Variants in ASRGL1 observed in about 807,000 individuals in gnomAD.
ASRGL1 encodes asparaginase and isoaspartyl peptidase 1.
Under a neutral mutation model 22.4 loss-of-function variants are expected in ASRGL1, and 16 were observed. The ratio of observed to expected loss-of-function variants is 0.71; its 90% confidence interval spans 0.48 to 1.08. The LOEUF (loss-of-function observed/expected upper bound fraction) is 1.08. Among genes scored for constraint, ASRGL1 ranks in the 50% least tolerant of loss-of-function variants. The probability of loss-of-function intolerance (pLI) is 0.00; values close to 1 mark genes in which losing one functional copy is unlikely to be tolerated. For synonymous variants in ASRGL1, 165 were observed against 159.3 expected, an observed-to-expected ratio of 1.04 and a Z score of -0.27; for missense variants, 412 against 410.1, an observed-to-expected ratio of 1.00 and a Z score of -0.04.
intron 2 of ASRGL1, among the ~76,000 whole-genome samples, chr11:62,347,443 C>A (rs1263244301): frequency 2.0e-5 from 3 of 152,104 alleles, no homozygotes; most frequent in African/African-American, 7.2e-5. Context: ...GCAACCAGCT[C>A]CCCATTTTGA....
intron 4 of ASRGL1, among the ~76,000 whole-genome samples, chr11:62,379,728 G>A (rs1947017138): frequency 6.6e-6 from 1 of 152,088 alleles, no homozygotes; most frequent in Admixed American, 6.5e-5. Flanking sequence ...TTGTGGCAGG[G>A]GACAATTGTT....
intron 4 of ASRGL1, among the ~76,000 whole-genome samples, chr11:62,374,733 CT>C (rs1231806991): frequency 6.6e-6 from 1 of 152,174 alleles, no homozygotes; most frequent in Non-Finnish European, 1.5e-5. Context: ...CTGCATCTCT[CT>C]AAGACTTAGT....
At chr11:62,372,044 C>G in intron 4 of ASRGL1, 1 of 751,482 alleles carries the variant, frequency 1.3e-6, no homozygotes. Flanking sequence ...GTATGGGTGC[C>G]TGGCGGGGGT....
intron 2 of ASRGL1, among the ~76,000 whole-genome samples, chr11:62,350,559 G>T (rs1371895305): frequency 6.6e-6 from 1 of 152,200 alleles, no homozygotes; most frequent in Non-Finnish European, 1.5e-5. Context: ...ACTTTGGGAG[G>T]CCAAGGCAGA....
intron 2 of ASRGL1, among the ~76,000 whole-genome samples, chr11:62,350,071 C>CT (rs1946134113): frequency 6.6e-6 from 1 of 152,162 alleles, no homozygotes; most frequent in African/African-American, 2.4e-5. Flanking sequence ...CATCCTGTGA[C>CT]TTAGAATGCC....
At chr11:62,355,110 G>T (rs1030605337) in intron 2 of ASRGL1, among the ~76,000 whole-genome samples, 1 of 151,878 alleles carries the variant, frequency 6.6e-6, no homozygotes, top group African/African-American at 2.4e-5. Context: ...TAGAGACAGG[G>T]TTTCACCATG....
chr11:62,356,116 C>A (rs185938570), intron 2 of ASRGL1, among the ~76,000 whole-genome samples: 11 of 152,276 alleles, frequency 7.2e-5, no homozygotes, highest in Non-Finnish European at 1.5e-4. Flanking sequence ...CATCATGGCC[C>A]GTTCTCAATG....
At chr11:62,337,837 C>T in intron 1 of ASRGL1, 53 bp from the exon 2 acceptor site, 1 of 906,246 alleles carries the variant, frequency 1.1e-6, no homozygotes, top group South Asian at 1.8e-5. Context: ...CCCTACCCAC[C>T]CCCAGCTGCG....
intron 2 of ASRGL1, among the ~76,000 whole-genome samples, chr11:62,351,866 G>T (rs1402794324): frequency 1.3e-5 from 2 of 152,012 alleles, no homozygotes; most frequent in African/African-American, 4.8e-5. Context: ...TAGAGACAGG[G>T]TCTCCCTGTG....
intron 4 of ASRGL1, among the ~76,000 whole-genome samples, chr11:62,370,127 T>A (rs567653899): frequency 6.6e-6 from 1 of 152,030 alleles, no homozygotes. Context: ...CTATTTAAGA[T>A]GGCTTTTAGT....
At chr11:62,355,846 G>A (rs1321559104) in intron 2 of ASRGL1, among the ~76,000 whole-genome samples, 1 of 152,048 alleles carries the variant, frequency 6.6e-6, no homozygotes, top group East Asian at 1.9e-4. Context: ...CTGCCTTCGA[G>A]CATTTGTTTA....
At chr11:62,371,562 A>G (rs1946766634) in intron 4 of ASRGL1, 2 of 699,694 alleles carry the variant, frequency 2.9e-6, no homozygotes, top group Admixed American at 1.8e-5. Context: ...CAGGGACACA[A>G]TACACTGCGG....
chr11:62,347,018 A>G, intron 2 of ASRGL1, among the ~76,000 whole-genome samples: 1 of 152,030 alleles, frequency 6.6e-6, no homozygotes, highest in Non-Finnish European at 1.5e-5. Flanking sequence ...GCGATTATGC[A>G]TACCTCTGTC....
chr11:62,363,526 G>T (rs1427596943), intron 4 of ASRGL1, among the ~76,000 whole-genome samples: 1 of 152,078 alleles, frequency 6.6e-6, no homozygotes, highest in African/African-American at 2.4e-5. Flanking sequence ...AAACCTAAAA[G>T]AATTTATCTG....
chr11:62,340,870 G>T (rs536845980), intron 2 of ASRGL1, among the ~76,000 whole-genome samples: 1 of 152,288 alleles, frequency 6.6e-6, no homozygotes, highest in South Asian at 2.1e-4. Context: ...CTCCCAGTAG[G>T]TATTGAGTTC....
Position 62,389,253 on chromosome 11 carries a change from T to C in ASRGL1, c.610+2T>C, listed in dbSNP as rs766428135. The C allele has an allele frequency of 1.2e-6, 2 of 1,611,952 alleles. No homozygotes were observed. Among genetic ancestry groups the C allele is most frequent in the East Asian group, 2.2e-5 (1 of 44,866 alleles). On this transcript the variant is annotated splice_donor_variant, in intron 5 of 6. Coordinates refer to ENST00000415229, the MANE Select transcript of ASRGL1 (RefSeq NM_001083926.2). LOFTEE classifies it high-confidence loss of function. ...GCGTTGGGGACTCACCGTGTCTAGG[T>C]AGGACCAAGGGATGCCTCCTGCCCC...
At position 62,362,809 on chromosome 11, in the gene ASRGL1, G is replaced by GACACACACACAC. The variant is rs1257030349; in HGVS notation, c.491+5668_491+5669insCACACACACACA. Reference sequence around the variant, plus strand: ...TCTGGGAGTATCTACTTGCTTATCTGACATACACACACACACACACACACA... The same window carrying GACACACACACAC: ...TCTGGGAGTATCTACTTGCTTATCTGACACACACACACACATACACACACACACACACACACA... On this transcript the variant is annotated intron_variant, in intron 4 of 6. Transcript: ENST00000415229. Among the ~76,000 whole-genome samples the GACACACACACAC allele has an allele frequency of 1.0e-3, 7 of 6,964 alleles. No individual in the cohort carries two copies. The South Asian group carries it at 0.036, about 36-fold the overall frequency. The allele number at this position is 6,964 out of a possible 152,430, so 4.6% of individuals were successfully genotyped here.
chr11:62,390,304 C>CA (rs1054736145), intron 5 of ASRGL1, among the ~76,000 whole-genome samples: 1 of 152,228 alleles, frequency 6.6e-6, no homozygotes, highest in African/African-American at 2.4e-5. Flanking sequence ...CAGCTGTGAG[C>CA]ACCAGGTGTG....
chr11:62,345,734 A>G (rs1408692277), intron 2 of ASRGL1, among the ~76,000 whole-genome samples: 1 of 152,194 alleles, frequency 6.6e-6, no homozygotes, highest in African/African-American at 2.4e-5. Context: ...AATTTATTAT[A>G]AAGAATATGA....
Sources: gnomAD v4.1 joint callset for allele counts (sites outside exome capture counted in the v4.1 genomes callset) on GRCh38, gnomAD v4.1.1 for gene constraint, MANE v1.5 for transcripts, NCBI Gene and HGNC (gene_info 2026-07-23, HGNC 2026-07-21) for gene names.